The following CNTN1 variants were observed in gnomAD, a reference collection of about 807,000 sequenced individuals.
CNTN1 encodes contactin-1.
A neutral mutation model predicts 126.4 loss-of-function variants in CNTN1; 38 were observed. The observed-to-expected ratio is 0.30, with a 90% CI of 0.23 to 0.39. The LOEUF is 0.39. Among genes scored for constraint, CNTN1 ranks in the 10% least tolerant of loss-of-function variants. The pLI is 1.00. For synonymous variants in CNTN1, 413 were observed against 422.6 expected (o/e 0.98, Z 0.28); for missense variants, 1,009 against 1,248.4 (o/e 0.81, Z 2.89).
chr12:40,871,311 A>G (rs1412672886), intron 1 of CNTN1, among the ~76,000 whole-genome samples: 2 of 151,864 alleles, frequency 1.3e-5, no homozygotes, highest in African/African-American at 4.8e-5. Context: ...ATACTATGGG[A>G]CTTACATAAT....
chr12:41,061,455 T>C (rs900689789), intron 23 of CNTN1, among the ~76,000 whole-genome samples: 2 of 152,168 alleles, frequency 1.3e-5, no homozygotes, highest in African/African-American at 4.8e-5. Context: ...AAGATCTATT[T>C]TGCTTGGCAT....
chr12:40,811,739 C>T (rs187445056), intron 1 of CNTN1, among the ~76,000 whole-genome samples: 4 of 150,298 alleles, frequency 2.7e-5, no homozygotes, highest in East Asian at 1.9e-4. Flanking sequence ...GTAATATCAC[C>T]TGTTATATCC....
chr12:40,782,000 A>G (rs1043284787), intron 1 of CNTN1, among the ~76,000 whole-genome samples: 3 of 151,966 alleles, frequency 2.0e-5, no homozygotes, highest in Non-Finnish European at 4.4e-5. Flanking sequence ...GAGAGAATAA[A>G]TATTTTTAGA....
chr12:40,838,535 T>C (rs763401686), intron 1 of CNTN1, among the ~76,000 whole-genome samples: 2 of 152,048 alleles, frequency 1.3e-5, no homozygotes, highest in Admixed American at 6.6e-5. Context: ...GGAACAAAAA[T>C]AGGCAAACTC....
intron 23 of CNTN1, among the ~76,000 whole-genome samples, chr12:41,055,284 A>G (rs1949779291): frequency 1.3e-5 from 2 of 152,144 alleles, no homozygotes; most frequent in Non-Finnish European, 2.9e-5. Context: ...GTGAATATCC[A>G]GGATAACTTT....
At chr12:40,713,879 A>T (rs1941985489) in intron 1 of CNTN1, among the ~76,000 whole-genome samples, 1 of 152,094 alleles carries the variant, frequency 6.6e-6, no homozygotes. Context: ...CTATTGTTTA[A>T]TGACAGAATC....
At chr12:41,045,756 A>G (rs986609603) in intron 23 of CNTN1, among the ~76,000 whole-genome samples, 7 of 152,146 alleles carry the variant, frequency 4.6e-5, no homozygotes, top group Non-Finnish European at 7.4e-5. Flanking sequence ...GGCAGTTTTT[A>G]TAGACACATT....
At chr12:40,745,022 C>G (rs55786396) in intron 1 of CNTN1, among the ~76,000 whole-genome samples, 2 of 151,906 alleles carry the variant, frequency 1.3e-5, no homozygotes, top group Non-Finnish European at 2.9e-5. Flanking sequence ...ATATTTGATG[C>G]GATCCATATT....
At chr12:40,798,183 A>G (rs1940516374) in intron 1 of CNTN1, among the ~76,000 whole-genome samples, 1 of 151,968 alleles carries the variant, frequency 6.6e-6, no homozygotes, top group Admixed American at 6.6e-5. Flanking sequence ...TTGCACTGGG[A>G]AAGGAGACTG....
At chr12:40,811,827 CA>C (rs71078272) in intron 1 of CNTN1, among the ~76,000 whole-genome samples, 81,097 of 144,922 alleles carry the variant, frequency 0.56, 22,768 homozygotes, top group East Asian at 0.76. Flanking sequence ...TTTATCTTTT[CA>C]AAAAAAAAAA....
At chr12:40,975,618 A>G (rs1232164177) in intron 15 of CNTN1, among the ~76,000 whole-genome samples, 1 of 152,104 alleles carries the variant, frequency 6.6e-6, no homozygotes, top group Non-Finnish European at 1.5e-5. Context: ...GGAATTTTTA[A>G]AGTGAGAGTG....
intron 1 of CNTN1, among the ~76,000 whole-genome samples, chr12:40,725,401 CA>C (rs34242859): frequency 0.28 from 12,737 of 45,422 alleles, 252 homozygotes; most frequent in Non-Finnish European, 0.31. Flanking sequence ...AACTCTGTCT[CA>C]AAAAAAAAAA....
intron 1 of CNTN1, among the ~76,000 whole-genome samples, chr12:40,702,487 C>G (rs1340616811): frequency 1.3e-5 from 2 of 152,068 alleles, no homozygotes; most frequent in African/African-American, 4.8e-5. Flanking sequence ...TCTTGTTGCC[C>G]AGGCTGGAGT....
intron 1 of CNTN1, among the ~76,000 whole-genome samples, chr12:40,712,392 G>C (rs188524406): frequency 6.6e-6 from 1 of 152,040 alleles, no homozygotes; most frequent in South Asian, 2.1e-4. Flanking sequence ...CTAAGTAGAG[G>C]TTTCAAATGT....
chr12:40,999,150 T>C (rs950586365), intron 17 of CNTN1, among the ~76,000 whole-genome samples: 9 of 152,138 alleles, frequency 5.9e-5, no homozygotes, highest in Non-Finnish European at 1.0e-4. Flanking sequence ...CTTGATTTTC[T>C]TTAAAAAAAA....
At chr12:40,716,254 T>C (rs941226725) in intron 1 of CNTN1, among the ~76,000 whole-genome samples, 4 of 151,518 alleles carry the variant, frequency 2.6e-5, no homozygotes, top group African/African-American at 9.7e-5. Flanking sequence ...CTCCTTTTCT[T>C]CTTCCCTTCC....
At chr12:40,739,181 G>A (rs1446836287) in intron 1 of CNTN1, among the ~76,000 whole-genome samples, 1 of 151,994 alleles carries the variant, frequency 6.6e-6, no homozygotes, top group East Asian at 1.9e-4. Context: ...AGAAAAATGA[G>A]AAGAAATCTA....
chr12:40,751,242 G>T (rs149717790), intron 1 of CNTN1, among the ~76,000 whole-genome samples: 1 of 152,150 alleles, frequency 6.6e-6, no homozygotes, highest in African/African-American at 2.4e-5. Context: ...CTGCAGATTT[G>T]ATATATTTGA....
At chr12:40,716,213 A>T (rs1942042250) in intron 1 of CNTN1, among the ~76,000 whole-genome samples, 1 of 150,178 alleles carries the variant, frequency 6.7e-6, no homozygotes, top group Non-Finnish European at 1.5e-5. Flanking sequence ...AGATGCTTCC[A>T]TTCCTTCTCT....
Sources: allele counts gnomAD v4.1 joint callset (sites outside exome capture counted in the v4.1 genomes callset), GRCh38; gene constraint gnomAD v4.1.1; transcripts MANE v1.5; gene names NCBI Gene and HGNC (gene_info 2026-07-23, HGNC 2026-07-21).